DDX3X: variants seen among roughly 807,000 people sequenced by gnomAD.
DDX3X encodes the protein DEAD-box helicase 3 X-linked.
DDX3X carries 4 observed loss-of-function variants against 52.7 expected under a neutral mutation model. That is an observed-to-expected ratio of 0.08 (90% CI 0.04 to 0.17). The LOEUF (loss-of-function observed/expected upper bound fraction) is 0.17. Among genes scored for constraint, DDX3X ranks in the 10% least tolerant of loss-of-function variants. DDX3X has a pLI of 1.00. For missense variants in DDX3X, 222 were observed against 548.6 expected, an observed-to-expected ratio of 0.40 and a Z score of 5.95; for synonymous variants, 192 against 178.1, an observed-to-expected ratio of 1.08 and a Z score of -0.62.
At chrX:41,335,968 A>G (rs892082148) in intron 1 of DDX3X, 6 of 112,485 alleles carry the variant, frequency 5.3e-5, no homozygotes, top group African/African-American at 1.3e-4. Context: ...ACCGTGCTTT[A>G]AAGTATTGAT....
downstream of DDX3X, among the ~76,000 whole-genome samples, chrX:41,353,734 G>T (rs2063998099): frequency 9.3e-6 from 1 of 107,091 alleles, no homozygotes; most frequent in Admixed American, 1.0e-4. Flanking sequence ...TTGTGCCACT[G>T]TACTCCACTG....
chrX:41,350,950 A>G (rs1459212276), downstream of DDX3X: 1 of 111,865 alleles, frequency 8.9e-6, no homozygotes, highest in Admixed American at 9.5e-5. Flanking sequence ...AATTTTTTGC[A>G]TTGTAAGGAA....
chrX:41,335,763 T>C (rs1019475354), intron 1 of DDX3X: 6 of 112,483 alleles, frequency 5.3e-5, no homozygotes, highest in Non-Finnish European at 9.4e-5. Flanking sequence ...GAACCAATTA[T>C]ATTAAATCCT....
intron 5 of DDX3X, among the ~76,000 whole-genome samples, chrX:41,363,942 T>C (rs1478925366): frequency 8.9e-6 from 1 of 111,799 alleles, no homozygotes; most frequent in Non-Finnish European, 1.9e-5. Flanking sequence ...TTCTGAGCAC[T>C]GTTCATATCA....
In DDX3X at chrX:41,349,862, T is replaced by A. The variant is rs1015716120; in HGVS notation, c.*2143T>A. The A allele has an allele frequency of 9.1e-6, 1 of 110,049 alleles. No individual in the cohort carries two copies. The highest frequency in any genetic ancestry group is 9.8e-5 in the Admixed American group (1 of 10,158). 9.1% of individuals were successfully genotyped at this position (110,049 alleles called of 1,213,427 possible). The stretch of plus-strand genomic sequence containing the variant: ...AAACACTGATGTGAAGTGTCCAGAT[T>A]CTCAGATGTTTGTTGTGTGGATTTT... On this transcript the variant is annotated 3_prime_UTR_variant, in exon 17 of 17. Coordinates refer to ENST00000644876, the MANE Select transcript of DDX3X (RefSeq NM_001356.5).
rs1569230053 is a variant in DDX3X, at chrX:41,334,178, C to G, written c.-75C>G. 9.3e-7 allele frequency: 1 copy of G among 1,074,538 alleles called. No individual in the cohort carries two copies. The highest frequency in any genetic ancestry group is 1.3e-6 in the Non-Finnish European group (1 of 782,508). The allele number at this position is 1,074,538 out of a possible 1,213,427, so 88.6% of individuals were successfully genotyped here. On this transcript the variant is annotated 5_prime_UTR_variant, in exon 1 of 17. Transcript: ENST00000644876. ...GTGCGCTCCAGAGCCGCAGTTCTCC[C>G]GTGAGAGGGCCTTCGCGGTGGAACA...
rs189047420 is a variant in DDX3X, at chrX:41,348,440, T to C, written c.*721T>C. The C allele has an allele frequency of 8.9e-6, 1 of 112,888 alleles. No individual in the cohort carries two copies. Among genetic ancestry groups the C allele is most frequent in the East Asian group, 2.8e-4 (1 of 3,612 alleles). 9.3% of individuals were successfully genotyped at this position (112,888 alleles called of 1,213,427 possible). A position where few individuals can be genotyped will look rare whatever the true frequency, so the allele number is the denominator to read the frequency against. ...CATGCATACATTCAAAGCACTGTTT[T>C]CAAAGTTAATGCAAGTAAATACAGC... On this transcript the variant is annotated 3_prime_UTR_variant, in exon 17 of 17. Coordinates refer to ENST00000644876, the MANE Select transcript of DDX3X (RefSeq NM_001356.5).
intron 4 of DDX3X, 30 bp from the exon 5 acceptor site, chrX:41,342,464 AT>A: frequency 8.3e-7 from 1 of 1,203,054 alleles, no homozygotes; most frequent in Non-Finnish European, 1.1e-6. Context: ...GTTAAATGAT[AT>A]GATTCTGATT....
intron 1 of DDX3X, chrX:41,334,605 C>G (rs1190792987): frequency 1.8e-6 from 2 of 1,088,583 alleles, no homozygotes; most frequent in Non-Finnish European, 2.4e-6. Flanking sequence ...GCGCGAATCC[C>G]GACTGATTAG....
intron 5 of DDX3X, chrX:41,357,866 G>C (rs1308947165): frequency 3.4e-6 from 1 of 294,656 alleles, no homozygotes; most frequent in Non-Finnish European, 5.9e-6. Flanking sequence ...GTGCCTCCAT[G>C]AAATGCCATA....
chrX:41,346,775 T>C, intron 14 of DDX3X, 84 bp from the exon 15 acceptor site: 1 of 1,001,851 alleles, frequency 1.0e-6, no homozygotes, highest in South Asian at 2.3e-5. Flanking sequence ...ATATTTTAAA[T>C]ATTTCTACGT....
intron 1 of DDX3X, chrX:41,335,489 G>A (rs1001317247): frequency 9.0e-6 from 1 of 110,732 alleles, no homozygotes; most frequent in Non-Finnish European, 1.9e-5. Flanking sequence ...AGAGGAGAAG[G>A]TTATGGACTT....
Position 41,334,350 on chromosome X carries a change from C to T in DDX3X, c.45+53C>T, listed in dbSNP as rs980485056. 3.5e-5 allele frequency: 41 copies of T among 1,185,224 alleles called. No homozygotes were observed. The East Asian group carries it at 1.2e-3, about 34-fold the overall frequency. The stretch of plus-strand genomic sequence containing the variant: ...GCTGCTGCGTGAATTCCTCCCCTGA[C>T]CTAACCTGGCTAATGGCGCAGCGCT... On this transcript the variant is annotated intron_variant, in intron 1 of 16. Transcript: ENST00000644876.
At chrX:41,342,160 T>A (rs1255787586) in intron 4 of DDX3X, 3 of 186,635 alleles carry the variant, frequency 1.6e-5, no homozygotes, top group African/African-American at 9.0e-5. Context: ...TTTTCTTGTT[T>A]TCCCTACCAT....
chrX:41,353,297 CAAAAAAA>C (rs61067509), downstream of DDX3X, among the ~76,000 whole-genome samples: 63 of 46,004 alleles, frequency 1.4e-3, 1 homozygote, highest in Admixed American at 7.7e-3. Context: ...ACTAAAAATA[CAAAAAAA>C]AAAAAAAAAA....
rs1429880026 is a variant in DDX3X, at chrX:41,343,069, G to C, written c.544-147G>C. 5.7e-6 allele frequency: 4 copies of C among 705,515 alleles called. No homozygotes were observed. The African/African-American group carries it at 8.9e-5, about 16-fold the overall frequency. 58.1% of individuals were successfully genotyped at this position (705,515 alleles called of 1,213,427 possible). A position where few individuals can be genotyped will look rare whatever the true frequency, so the allele number is the denominator to read the frequency against. On this transcript the variant is annotated intron_variant, in intron 6 of 16. Transcript: ENST00000644876. Reference sequence around the variant, plus strand: ...TCTCCAATGTGCAGTAAGCCTGGGGGTTGGTTTTTCTCAAAGTATAATGTG... The same window carrying C: ...TCTCCAATGTGCAGTAAGCCTGGGGCTTGGTTTTTCTCAAAGTATAATGTG...
At chrX:41,350,965 G>A (rs1382163563), downstream of DDX3X, 3 of 111,925 alleles carry the variant, frequency 2.7e-5, no homozygotes, top group Non-Finnish European at 5.6e-5. Context: ...AAGGAAGTAT[G>A]GTTCTGGATA....
intron 6 of DDX3X, 109 bp from the exon 7 acceptor site, chrX:41,343,107 A>C (rs1171355966): frequency 2.2e-6 from 2 of 929,150 alleles, no homozygotes; most frequent in African/African-American, 4.0e-5. Context: ...AATTTTACTT[A>C]AACTATAAAC....
rs371942929 is a variant in DDX3X, at chrX:41,342,941, C to T, written c.543+105C>T. 398 of 682,882 alleles carry T rather than the reference C, an allele frequency of 5.8e-4. 1 individual carries two copies. The East Asian group carries it at 0.01, about 18-fold the overall frequency. The allele number at this position is 682,882 out of a possible 1,213,427, so 56.3% of individuals were successfully genotyped here. ...ATAAAGTCATGTAGACCAGAGGCTT[C>T]ATAGATTTGTGGAAAAGGAGAAGTT... On this transcript the variant is annotated intron_variant, in intron 6 of 16. Coordinates refer to ENST00000644876, the MANE Select transcript of DDX3X (RefSeq NM_001356.5).
Sources: gnomAD v4.1 joint callset for allele counts (sites outside exome capture counted in the v4.1 genomes callset) on GRCh38, gnomAD v4.1.1 for gene constraint, MANE v1.5 for transcripts, NCBI Gene and HGNC (gene_info 2026-07-23, HGNC 2026-07-21) for gene names.